The following HK2 variants were observed in gnomAD, a reference collection of about 807,000 sequenced individuals.
HK2 encodes the protein hexokinase 2, also known as hexokinase-2.
HK2 carries 42 observed loss-of-function variants against 92.9 expected under a neutral mutation model. The observed-to-expected ratio is 0.45, with a 90% confidence interval of 0.35 to 0.58. The LOEUF (loss-of-function observed/expected upper bound fraction) is 0.58. Ranked by LOEUF, HK2 falls within the 20% of genes least tolerant of loss-of-function variation. HK2 has a pLI of 0.00. For synonymous variants in HK2, 422 were observed against 468.0 expected, an observed-to-expected ratio of 0.90 and a Z score of 1.27; for missense variants, 978 against 1,245.1, an observed-to-expected ratio of 0.79 and a Z score of 3.23.
At chr2:74,869,421 A>G (rs564446986) in intron 3 of HK2, among the ~76,000 whole-genome samples, 12 of 152,296 alleles carry the variant, frequency 7.9e-5, no homozygotes, top group Admixed American at 7.8e-4. Flanking sequence ...ATTTTACTTA[A>G]AGGAAAACAA....
At chr2:74,870,687 A>G (rs1037098751) in intron 3 of HK2, among the ~76,000 whole-genome samples, 1 of 151,848 alleles carries the variant, frequency 6.6e-6, no homozygotes. Flanking sequence ...CACCTTCCCG[A>G]CAGAACAGAA....
chr2:74,875,549 G>C (rs1217993105), intron 7 of HK2, among the ~76,000 whole-genome samples: 3 of 152,014 alleles, frequency 2.0e-5, no homozygotes, highest in East Asian at 1.9e-4. Flanking sequence ...GACTGGTCTC[G>C]AACTCCCGAC....
chr2:74,880,336 A>T lies in HK2; in HGVS notation c.1337A>T (p.Glu446Val). The T allele has an allele frequency of 1.2e-6, 2 of 1,614,204 alleles. No homozygotes were observed. The highest frequency in any genetic ancestry group is 1.7e-6 in the Non-Finnish European group (2 of 1,180,038). ...PGCDVRFLRS[E>V]DGSGKGAAMV... ...TGCGATGTCCGCTTCCTCCGCTCCGAGGATGGCAGTGGCAAAGGTGCAGCC... is the reference window on the plus strand; with the variant it reads ...TGCGATGTCCGCTTCCTCCGCTCCGTGGATGGCAGTGGCAAAGGTGCAGCC... The change falls in exon 10 of 18, where the codon GAG becomes GTG. Residue 446 changes from glutamate (E) to valine (V), a missense_variant. This residue lies in a region of HK2 where 742 missense variants were observed against 922.5 expected (regional missense o/e 0.80). Coordinates refer to ENST00000290573, the MANE Select transcript of HK2 (RefSeq NM_000189.5).
chr2:74,888,517 T>G (rs1193723592), intron 16 of HK2, among the ~76,000 whole-genome samples: 3 of 152,140 alleles, frequency 2.0e-5, no homozygotes, highest in Non-Finnish European at 4.4e-5. Flanking sequence ...GAGCAAAGCC[T>G]CCCTCCTACA....
At chr2:74,867,193 A>G (rs1688973094) in intron 2 of HK2, among the ~76,000 whole-genome samples, 1 of 152,202 alleles carries the variant, frequency 6.6e-6, no homozygotes, top group African/African-American at 2.4e-5. Flanking sequence ...CTACTTAGCC[A>G]TAAAAAGGAA....
chr2:74,876,069 A>C (rs1167876184), intron 7 of HK2, among the ~76,000 whole-genome samples: 1 of 152,236 alleles, frequency 6.6e-6, no homozygotes, highest in Non-Finnish European at 1.5e-5. Flanking sequence ...TGTTGAAGCC[A>C]GGCTCCCATC....
rs1446605497 is a variant in HK2, at chr2:74,834,205, C to T, written c.-376C>T. 5.4e-6 allele frequency: 2 copies of T among 372,646 alleles called. No homozygotes were observed. Among genetic ancestry groups the T allele is most frequent in the Middle Eastern group, 8.9e-4 (1 of 1,126 alleles). The allele number at this position is 372,646 out of a possible 1,614,324, so 23.1% of individuals were successfully genotyped here. ...CGTGTCACCCAGCTAAGAAAATCCG[C>T]GGGCCCGAGCCACGCGCCTGTGAAT... On this transcript the variant is annotated 5_prime_UTR_variant, in exon 1 of 18. Transcript: ENST00000290573. The surrounding 1 kb of genome is among the most constrained non-coding windows in gnomAD (Gnocchi z 4.2).
Position 74,878,806 on chromosome 2 carries a change from A to T in HK2, c.1150A>T (p.Ser384Cys). Reference protein sequence around the residue: ...ICQIVSTRSASLCAATLAAVL... With the variant: ...ICQIVSTRSACLCAATLAAVL... ...CCAGATCGTGTCCACACGCTCCGCC[A>T]GCCTGTGCGCAGCCACCCTGGCCGC... is the stretch of plus-strand genomic sequence containing the variant. The change falls in exon 9 of 18, where the codon AGC (serine) becomes TGC (cysteine). Residue 384 changes from serine (S) to cysteine (C), a missense_variant. Physicochemically the swap from Ser to Cys is moderately radical, Grantham distance 112. Around this residue, in one of 3 missense-constraint regions of HK2, gnomAD observed 742 missense variants for 922.5 expected, o/e 0.80. Coordinates refer to ENST00000290573, the MANE Select transcript of HK2 (RefSeq NM_000189.5). 1.3e-6 allele frequency: 2 copies of T among 1,563,756 alleles called. No individual in the cohort carries two copies. The highest frequency in any genetic ancestry group is 1.4e-5 in the African/African-American group (1 of 73,836).
chr2:74,881,647 T>G lies in HK2; in HGVS notation c.1571-64T>G, dbSNP rs1037193301. The G allele has an allele frequency of 6.5e-6, 10 of 1,538,084 alleles. No individual in the cohort carries two copies. The Admixed American group carries it at 1.5e-4, about 23-fold the overall frequency. On this transcript the variant is annotated intron_variant, in intron 10 of 17. Coordinates refer to ENST00000290573, the MANE Select transcript of HK2 (RefSeq NM_000189.5). ...AATGGTGTATTTGGATCGTTTTAAG[T>G]GTACTGTCTCCACATTCCCCATGTT...
chr2:74,887,096 T>C (rs1689557173), intron 15 of HK2, among the ~76,000 whole-genome samples: 1 of 152,208 alleles, frequency 6.6e-6, no homozygotes, highest in Non-Finnish European at 1.5e-5. Context: ...CTGTGCATGG[T>C]AGGGGAGCGG....
At position 74,877,338 on chromosome 2, in the gene HK2, C is replaced by A. The variant is rs770543661; in HGVS notation, c.1031+17C>A. The stretch of plus-strand genomic sequence containing the variant: ...CATTGAAGGGTGAGCTTCTGGCCAG[C>A]CCCCTCTATTTGCTGGATCACCACA... On this transcript the variant is annotated intron_variant, in intron 8 of 17. Coordinates refer to ENST00000290573, the MANE Select transcript of HK2 (RefSeq NM_000189.5). 7 of 1,614,002 alleles carry A rather than the reference C, an allele frequency of 4.3e-6. No individual in the cohort carries two copies. The Admixed American group carries it at 8.3e-5, about 19-fold the overall frequency.
chr2:74,867,858 G>T, intron 3 of HK2, 74 bp downstream of exon 3: 1 of 1,548,684 alleles, frequency 6.5e-7, no homozygotes, highest in Non-Finnish European at 8.9e-7. Context: ...ACTTTCTCCA[G>T]CCGCTCCCAG....
intron 15 of HK2, 75 bp from the exon 16 acceptor site, chr2:74,887,828 T>C: frequency 2.1e-6 from 3 of 1,434,894 alleles, no homozygotes; most frequent in Non-Finnish European, 2.9e-6. Flanking sequence ...TGGGGGTGAC[T>C]AAGCTGGCCT....
At chr2:74,869,352 T>C (rs1689039358) in intron 3 of HK2, among the ~76,000 whole-genome samples, 1 of 152,194 alleles carries the variant, frequency 6.6e-6, no homozygotes, top group Non-Finnish European at 1.5e-5. Context: ...ATTTTAGTGG[T>C]GGAATTACTG....
chr2:74,887,800 C>A (rs1689574246), intron 15 of HK2, 103 bp from the exon 16 acceptor site: 1 of 1,032,618 alleles, frequency 9.7e-7, no homozygotes, highest in Non-Finnish European at 1.5e-6. Context: ...GTCTGCCTGT[C>A]TGCCACTGCT....
In HK2 at chr2:74,874,310, G is replaced by C; in HGVS notation, c.736G>C (p.Asp246His). Residue 246 changes from aspartate to histidine, a missense_variant, in exon 7 of 18, where the codon GAC becomes CAC. Asp to His is a moderately conservative substitution (Grantham distance 81, BLOSUM62 -1). This residue lies in a region of HK2 where 189 missense variants were observed against 289.5 expected (regional missense o/e 0.65). Coordinates refer to ENST00000290573, the MANE Select transcript of HK2 (RefSeq NM_000189.5). ...CTACATGGAAGAGATGCGCCACATC[G>C]ACATGGTGGAAGGCGATGAGGGGCG... is the stretch of plus-strand genomic sequence containing the variant. ...ACYMEEMRHI[D>H]MVEGDEGRMC... The C allele has an allele frequency of 6.2e-7, 1 of 1,614,178 alleles. No homozygotes were observed. Among genetic ancestry groups the C allele is most frequent in the East Asian group, 2.2e-5 (1 of 44,872 alleles).
At position 74,866,852 on chromosome 2, in the gene HK2, G is replaced by T. The variant is rs146937266; in HGVS notation, c.227-784G>T. 1.2e-3 allele frequency among the ~76,000 whole-genome samples: 177 copies of T among 152,230 alleles called. 1 individual carries two copies. Among genetic ancestry groups the T allele is most frequent in the African/African-American group, 4.0e-3 (164 of 41,478 alleles). On this transcript the variant is annotated intron_variant, in intron 2 of 17. Transcript: ENST00000290573. ...CTTATTCACCAGGCCTCAATGTGTT[G>T]GTCCTCATTCCACTCCATCACATGA...
At chr2:74,855,010 T>A (rs542660372) in intron 2 of HK2, among the ~76,000 whole-genome samples, 37 of 152,240 alleles carry the variant, frequency 2.4e-4, no homozygotes, top group East Asian at 1.4e-3. Flanking sequence ...ATATATATAT[T>A]TTTTTGAGAC....
intron 1 of HK2, among the ~76,000 whole-genome samples, chr2:74,839,135 A>G (rs530894977): frequency 6.6e-6 from 1 of 152,344 alleles, no homozygotes; most frequent in South Asian, 2.1e-4. Context: ...AAGAAAGCCA[A>G]GAATTTTAAT....
Sources: allele counts gnomAD v4.1 joint callset (sites outside exome capture counted in the v4.1 genomes callset), GRCh38; gene constraint gnomAD v4.1.1; regional missense constraint gnomAD v4.1.1; non-coding constraint Gnocchi (gnomAD v3.1); transcripts MANE v1.5; gene names NCBI Gene and HGNC (gene_info 2026-07-23, HGNC 2026-07-21).